The following CAMSAP2 variants were observed in gnomAD, a reference collection of about 807,000 sequenced individuals.
CAMSAP2 encodes the protein calmodulin-regulated spectrin-associated protein 2.
A neutral mutation model predicts 146.1 loss-of-function variants in CAMSAP2; 26 were observed. The observed-to-expected ratio is 0.18, with a 90% CI of 0.13 to 0.25. The LOEUF is 0.25. Among genes scored for constraint, CAMSAP2 ranks in the 10% least tolerant of loss-of-function variants. CAMSAP2 has a pLI of 1.00. For synonymous variants in CAMSAP2, 499 were observed against 596.6 expected (o/e 0.84, Z 2.38); for missense variants, 1,381 against 1,759.3 (o/e 0.78, Z 3.85).
At chr1:200,854,041 T>C (rs148044003) in intron 13 of CAMSAP2, among the ~76,000 whole-genome samples, 3,903 of 152,222 alleles carry the variant, frequency 0.026, 178 homozygotes, top group African/African-American at 0.087. Flanking sequence ...TGCAGTGGTG[T>C]GATCATGGCT....
chr1:200,791,237 C>T (rs887649964), intron 2 of CAMSAP2, among the ~76,000 whole-genome samples: 15 of 152,116 alleles, frequency 9.9e-5, no homozygotes, highest in East Asian at 1.9e-4. Flanking sequence ...AGATGTTATT[C>T]TTATCAGATT....
At chr1:200,814,131 C>CGGGGGAAGGGGTGGGCG (rs1666411325) in intron 3 of CAMSAP2, among the ~76,000 whole-genome samples, 1 of 14,302 alleles carries the variant, frequency 7.0e-5, no homozygotes, top group East Asian at 2.0e-3. Flanking sequence ...AAAAAGGTGG[C>CGGGGGAAGGGGTGGGCG]GGGGGGAGGG....
At chr1:200,815,749 A>T in intron 4 of CAMSAP2, 105 bp downstream of exon 4, 1 of 536,904 alleles carries the variant, frequency 1.9e-6, no homozygotes, top group Middle Eastern at 3.2e-4. Context: ...ATTATTTTTT[A>T]GTGGTGTTAA....
At chr1:200,773,628 T>TATAAG (rs544990028) in intron 2 of CAMSAP2, among the ~76,000 whole-genome samples, 426 of 152,248 alleles carry the variant, frequency 2.8e-3, no homozygotes, top group African/African-American at 9.4e-3. Context: ...GATGGTATAT[T>TATAAG]GTAAGTTAGC....
chr1:200,778,966 TTTGCCTCAGAGACCTGAACAAATCG>T (rs1373042853), intron 2 of CAMSAP2, among the ~76,000 whole-genome samples: 1 of 152,182 alleles, frequency 6.6e-6, no homozygotes, highest in African/African-American at 2.4e-5. Context: ...AATCAGATTC[TTTGCCTCAGAGACCTGAACAAATCG>T]TGGAAGGAAT....
chr1:200,817,159 C>CAT (rs1558191938), intron 4 of CAMSAP2, among the ~76,000 whole-genome samples: 1 of 121,814 alleles, frequency 8.2e-6, no homozygotes, highest in African/African-American at 3.2e-5. Flanking sequence ...TACACACATA[C>CAT]ACACACGTGT....
At chr1:200,767,749 ATGT>A (rs1664996114) in intron 2 of CAMSAP2, among the ~76,000 whole-genome samples, 2 of 152,182 alleles carry the variant, frequency 1.3e-5, no homozygotes, top group Non-Finnish European at 2.9e-5. Context: ...ATTCTCATAG[ATGT>A]TGTTGAACAG....
At chr1:200,804,427 A>AT (rs1666120324) in intron 2 of CAMSAP2, among the ~76,000 whole-genome samples, 1 of 152,154 alleles carries the variant, frequency 6.6e-6, no homozygotes, top group South Asian at 2.1e-4. Context: ...GTTGTATAAT[A>AT]TTATAATGGT....
chr1:200,769,069 C>T (rs979454545), intron 2 of CAMSAP2, among the ~76,000 whole-genome samples: 6 of 152,134 alleles, frequency 3.9e-5, no homozygotes, highest in Non-Finnish European at 7.3e-5. Context: ...TATGTCAACT[C>T]TAATTAATTA....
intron 2 of CAMSAP2, among the ~76,000 whole-genome samples, chr1:200,781,897 T>A (rs756377124): frequency 5.3e-5 from 8 of 152,170 alleles, no homozygotes; most frequent in Non-Finnish European, 8.8e-5. Context: ...CCTGCTTACA[T>A]GTCTTTGATG....
chr1:200,754,413 T>C (rs1206897860), intron 1 of CAMSAP2, among the ~76,000 whole-genome samples: 1 of 152,080 alleles, frequency 6.6e-6, no homozygotes, highest in Non-Finnish European at 1.5e-5. Context: ...TTAAATTAAT[T>C]AGTAATTTAT....
At chr1:200,746,975 C>G (rs977356280) in intron 1 of CAMSAP2, among the ~76,000 whole-genome samples, 3 of 152,010 alleles carry the variant, frequency 2.0e-5, no homozygotes, top group Non-Finnish European at 2.9e-5. Flanking sequence ...GTCATGTGAT[C>G]AAAGCTCATT....
chr1:200,806,072 G>T (rs2102140247), intron 2 of CAMSAP2, among the ~76,000 whole-genome samples: 1 of 152,188 alleles, frequency 6.6e-6, no homozygotes, highest in South Asian at 2.1e-4. Flanking sequence ...CAACTCCAAA[G>T]CCATAAAGGA....
intron 1 of CAMSAP2, among the ~76,000 whole-genome samples, chr1:200,753,211 T>C (rs920061536): frequency 7.3e-5 from 11 of 150,956 alleles, no homozygotes; most frequent in African/African-American, 2.7e-4. Flanking sequence ...GGCAGGAGAA[T>C]TGCTTGAACC....
At chr1:200,755,612 G>C (rs935509241) in intron 1 of CAMSAP2, among the ~76,000 whole-genome samples, 5 of 152,214 alleles carry the variant, frequency 3.3e-5, no homozygotes, top group African/African-American at 4.8e-5. Context: ...AGGTAATAAT[G>C]TAGAGGGCAG....
chr1:200,783,003 C>T (rs1665482914), intron 2 of CAMSAP2, among the ~76,000 whole-genome samples: 1 of 151,570 alleles, frequency 6.6e-6, no homozygotes, highest in Admixed American at 6.6e-5. Context: ...TGGAATCAAG[C>T]AATTCGCCTG....
At chr1:200,768,868 G>T (rs1312614731) in intron 2 of CAMSAP2, among the ~76,000 whole-genome samples, 2 of 152,060 alleles carry the variant, frequency 1.3e-5, no homozygotes, top group Non-Finnish European at 2.9e-5. Context: ...TAGCCAGGAT[G>T]GTCTCGACCT....
intron 10 of CAMSAP2, 60 bp downstream of exon 10, chr1:200,847,769 G>A: frequency 7.2e-7 from 1 of 1,382,294 alleles, no homozygotes; most frequent in South Asian, 1.2e-5. Flanking sequence ...AATTGCATCT[G>A]TGTCTCTCTT....
rs757652030 is a variant in CAMSAP2, at chr1:200,849,883, A to C, written c.3114A>C (p.Glu1038Asp). Residue 1038 changes from glutamate (E) to aspartate (D), a missense_variant, in exon 11 of 17, where the codon GAA becomes GAC. By Grantham distance (45) the Glu-to-Asp change is conservative. Around this residue, in one of 4 missense-constraint regions of CAMSAP2, gnomAD observed 560 missense variants for 715.9 expected, o/e 0.78. Transcript: ENST00000358823. This position sits in a 1 kb window ranked among gnomAD's most constrained non-coding sequence, Gnocchi z 6.3. Reference protein sequence around the residue: ...PQLKESKPKEEVKKEELESKG... With the variant: ...PQLKESKPKEDVKKEELESKG... The stretch of plus-strand genomic sequence containing the variant: ...TAAAGGAATCCAAACCTAAAGAGGA[A>C]GTTAAAAAGGAGGAATTGGAATCCA... The C allele has an allele frequency of 6.2e-7, 1 of 1,614,210 alleles. No individual in the cohort carries two copies. Among genetic ancestry groups the C allele is most frequent in the Admixed American group, 1.7e-5 (1 of 60,030 alleles).
Sources: gnomAD v4.1 joint callset for allele counts (sites outside exome capture counted in the v4.1 genomes callset) on GRCh38, gnomAD v4.1.1 for gene constraint, gnomAD v4.1.1 regional missense constraint, Gnocchi (gnomAD v3.1) non-coding constraint, MANE v1.5 for transcripts, NCBI Gene and HGNC (gene_info 2026-07-23, HGNC 2026-07-21) for gene names.